The following PKD1 variants were observed in gnomAD, a reference collection of about 807,000 sequenced individuals.
PKD1 encodes the protein polycystin-1.
In PKD1, 81 loss-of-function variants were observed where a neutral mutation model predicts 361.7. The observed-to-expected ratio is 0.22, with a 90% CI of 0.19 to 0.27. The LOEUF (loss-of-function observed/expected upper bound fraction) is 0.27, where lower values mean the gene tolerates loss of function less well. Ranked by LOEUF, PKD1 falls within the 10% of genes least tolerant of loss-of-function variation. The probability of loss-of-function intolerance (pLI) is 1.00; values close to 1 mark genes in which losing one functional copy is unlikely to be tolerated. For missense variants in PKD1, 6,399 were observed against 6,118.3 expected, an observed-to-expected ratio of 1.05 and a Z score of -1.53; for synonymous variants, 3,615 against 2,818.3, an observed-to-expected ratio of 1.28 and a Z score of -8.95.
chr16:2,123,775 C>T (rs915395555), intron 1 of PKD1, among the ~76,000 whole-genome samples: 3 of 152,172 alleles, frequency 2.0e-5, no homozygotes, highest in Non-Finnish European at 2.9e-5. Flanking sequence ...TGCTGCCCCA[C>T]GCACTCCTCA....
At position 2,111,795 on chromosome 16, in the gene PKD1, G is replaced by T; in HGVS notation, c.3372C>A (p.Ala1124=). 1.2e-6 allele frequency: 2 copies of T among 1,608,830 alleles called. No homozygotes were observed. Among genetic ancestry groups the T allele is most frequent in the Non-Finnish European group, 1.7e-6 (2 of 1,178,894 alleles). Residue 1124 remains alanine, a synonymous_variant, in exon 15 of 46, where the codon GCC becomes GCA. Coordinates refer to ENST00000262304, the MANE Select transcript of PKD1 (RefSeq NM_001009944.3). ...LTQQVPVSVR[A]SLPSVAVGVS... is the part of the protein sequence containing the mutation. ...CACCCACAGCCACGGAGGGCAGGGAGGCGCGCACGCTCACAGGCACCTGCT... is the reference window on the plus strand; with the variant it reads ...CACCCACAGCCACGGAGGGCAGGGATGCGCGCACGCTCACAGGCACCTGCT...
chr16:2,115,704 A>G (rs1373055825), intron 9 of PKD1, 79 bp from the exon 10 acceptor site: 44 of 1,387,088 alleles, frequency 3.2e-5, no homozygotes, highest in Non-Finnish European at 4.2e-5. Flanking sequence ...TGCACCAGCA[A>G]TCCTGGCCTT....
Position 2,093,887 on chromosome 16 carries a change from G to T in PKD1, c.10745C>A (p.Pro3582Gln). 1.3e-6 allele frequency: 2 copies of T among 1,577,112 alleles called. No individual in the cohort carries two copies. The highest frequency in any genetic ancestry group is 8.6e-7 in the Non-Finnish European group (1 of 1,167,060). ...CAGGAGCCACGCAACACTCACGCCC[G>T]GGGGGAAGCTCGCACCCACCCACCC... ...VSGWVGASFPPGVSVAWLLSS... is the reference protein window; with the variant it reads ...VSGWVGASFPQGVSVAWLLSS... The change falls in exon 36 of 46, where the codon CCG (proline) becomes CAG (glutamine). Residue 3582 changes from proline to glutamine, a missense_variant. Physicochemically the swap from Pro to Gln is moderately conservative, Grantham distance 76. Coordinates refer to ENST00000262304, the MANE Select transcript of PKD1 (RefSeq NM_001009944.3).
rs889547396 is a variant in PKD1, at chr16:2,090,374, G to A, written c.12355C>T (p.Arg4119Trp). 33 of 1,612,566 alleles carry A rather than the reference G, an allele frequency of 2.0e-5. No individual in the cohort carries two copies. Among genetic ancestry groups the A allele is most frequent in the African/African-American group, 4.0e-5 (3 of 74,920 alleles). Residue 4119 changes from arginine (R) to tryptophan (W), a missense_variant, in exon 45 of 46, where the codon CGG becomes TGG. Physicochemically the swap from Arg to Trp is moderately radical, Grantham distance 101 (BLOSUM62 -3). Transcript: ENST00000262304. ...TAGTCCTGGGGCTCCCAGGCCGGCC[G>A]GTACAGCTCTCCACGCAAGGCGTGG... The part of the protein sequence containing the change: ...RYHALRGELY[R>W]PAWEPQDYEM...
chr16:2,100,480 G>T lies in PKD1; in HGVS notation c.9484C>A (p.Arg3162Ser). The T allele has an allele frequency of 6.2e-7, 1 of 1,610,454 alleles. No individual in the cohort carries two copies. The highest frequency in any genetic ancestry group is 8.5e-7 in the Non-Finnish European group (1 of 1,179,394). Residue 3162 changes from arginine (R) to serine (S), a missense_variant, in exon 27 of 46, where the codon CGC (arginine) becomes AGC (serine). Coordinates refer to ENST00000262304, the MANE Select transcript of PKD1 (RefSeq NM_001009944.3). The surrounding 1 kb of genome is among the most constrained non-coding windows in gnomAD (Gnocchi z 4.4). Reference sequence around the variant, plus strand: ...ATCCGGAAGATGTCCAGGCTGTTGCGGTGGAAGGCTCTGTCGCCGTCCAGG... The same window carrying T: ...ATCCGGAAGATGTCCAGGCTGTTGCTGTGGAAGGCTCTGTCGCCGTCCAGG... ...RHLDGDRAFH[R>S]NSLDIFRIAT...
Position 2,109,944 on chromosome 16 carries a change from C to T in PKD1, c.5223G>A (p.Glu1741=), listed in dbSNP as rs779556506. Residue 1741 remains glutamate, a synonymous_variant, in exon 15 of 46, where the codon GAG becomes GAA. Coordinates refer to ENST00000262304, the MANE Select transcript of PKD1 (RefSeq NM_001009944.3). Reference sequence around the variant, plus strand: ...ATACGACACCACTGCCACCAGCCAGCTCGGCACTGAGGGTGACGCTTGTGT... The same window carrying T: ...ATACGACACCACTGCCACCAGCCAGTTCGGCACTGAGGGTGACGCTTGTGT... ...AVNTSVTLSA[E]LAGGSGVVYT... 3 of 1,610,292 alleles carry T rather than the reference C, an allele frequency of 1.9e-6. No individual in the cohort carries two copies. Among genetic ancestry groups the T allele is most frequent in the South Asian group, 1.1e-5 (1 of 90,928 alleles).
At position 2,089,566 on chromosome 16, in the gene PKD1, T is replaced by C. The variant is rs904900456; in HGVS notation, c.*161A>G. 3.3e-6 allele frequency: 3 copies of C among 908,928 alleles called. No homozygotes were observed. The highest frequency in any genetic ancestry group is 4.6e-5 in the Admixed American group (2 of 43,712). The allele number at this position is 908,928 out of a possible 1,614,324, so 56.3% of individuals were successfully genotyped here. Reference sequence around the variant, plus strand: ...GGGTCCTGGTTGGCCACACAGCCTCTTTAAAGTGCTGAAGCCCACAGACAG... The same window carrying C: ...GGGTCCTGGTTGGCCACACAGCCTCCTTAAAGTGCTGAAGCCCACAGACAG... On this transcript the variant is annotated 3_prime_UTR_variant, in exon 46 of 46. Coordinates refer to ENST00000262304, the MANE Select transcript of PKD1 (RefSeq NM_001009944.3).
At position 2,114,639 on chromosome 16, in the gene PKD1, C is replaced by A; in HGVS notation, c.2384G>T (p.Arg795Leu). 6.4e-7 allele frequency: 1 copy of A among 1,564,738 alleles called. No homozygotes were observed. The highest frequency in any genetic ancestry group is 1.2e-5 in the South Asian group (1 of 86,804). ...GCCCACCTCTGCCCGGACCTCATAG[C>A]GCCCAGGCAGCCGCAGTCCAGGGTT... Reference protein sequence around the residue: ...RPNPGLRLPGRYEVRAEVGNG... With the variant: ...RPNPGLRLPGLYEVRAEVGNG... The change falls in exon 11 of 46, where the codon CGC (arginine) becomes CTC (leucine). Residue 795 changes from arginine to leucine, a missense_variant. Arg to Leu is a moderately radical substitution (Grantham distance 102). Coordinates refer to ENST00000262304, the MANE Select transcript of PKD1 (RefSeq NM_001009944.3).
intron 11 of PKD1, 198 bp downstream of exon 11, chr16:2,113,972 T>C (rs2151811835): frequency 1.7e-6 from 1 of 603,860 alleles, no homozygotes; most frequent in Non-Finnish European, 2.9e-6. Flanking sequence ...GCGGAGCCAC[T>C]GTCAGAGCCG....
intron 1 of PKD1, chr16:2,119,832 T>C: frequency 1.4e-6 from 1 of 698,296 alleles, no homozygotes; most frequent in South Asian, 1.5e-5. Context: ...CAACCAGGTA[T>C]GACTGTGTGA....
rs978483806 is a variant in PKD1 at position 2,112,527 on chromosome 16, G to A, written c.3162-54C>T. 2.7e-5 allele frequency: 41 copies of A among 1,507,188 alleles called. No homozygotes were observed. In the East Asian group the frequency reaches 3.3e-4, roughly 12 times the overall value. The allele number at this position is 1,507,188 out of a possible 1,614,324, so 93.4% of individuals were successfully genotyped here. A position where few individuals can be genotyped will look rare whatever the true frequency, so the allele number is the denominator to read the frequency against. Reference sequence around the variant, plus strand: ...AACCGGGACAGGGGTGGGCGGTGGCGGGGCAGGGGGTGCTTGGGACCCAGC... The same window carrying A: ...AACCGGGACAGGGGTGGGCGGTGGCAGGGCAGGGGGTGCTTGGGACCCAGC... On this transcript the variant is annotated intron_variant, in intron 13 of 45. Coordinates refer to ENST00000262304, the MANE Select transcript of PKD1 (RefSeq NM_001009944.3).
rs750631337 is a variant in PKD1 at position 2,106,572 on chromosome 16, G to A, written c.7315C>T (p.Arg2439Trp). 1.5e-5 allele frequency: 24 copies of A among 1,596,088 alleles called. No individual in the cohort carries two copies. The highest frequency in any genetic ancestry group is 6.7e-5 in the African/African-American group (5 of 74,774). Residue 2439 changes from arginine to tryptophan, a missense_variant, in exon 18 of 46, where the codon CGG becomes TGG. Arg to Trp is a moderately radical substitution (Grantham distance 101). Transcript: ENST00000262304. The surrounding 1 kb of genome is among the most constrained non-coding windows in gnomAD (Gnocchi z 6.5). ...MRLVLRRGVL[R>W]DGEGYTFTLT... ...GTGAAGGTGTATCCCTCGCCGTCCC[G>A]CAGCACGCCCCGCCGCAGCACCAGT...
At chr16:2,120,874 G>T (rs574772439) in intron 1 of PKD1, among the ~76,000 whole-genome samples, 1 of 152,062 alleles carries the variant, frequency 6.6e-6, no homozygotes, top group Non-Finnish European at 1.5e-5. Context: ...AAAATTAGCC[G>T]GGCATGGCGG....
At chr16:2,092,271 G>GCT in intron 39 of PKD1, 83 bp from the exon 40 acceptor site, 1 of 1,456,134 alleles carries the variant, frequency 6.9e-7, no homozygotes, top group East Asian at 2.5e-5. Flanking sequence ...GCTCGCCTGA[G>GCT]CTCTGGTTCG....
Position 2,091,476 on chromosome 16 carries a change from G to C in PKD1, c.11659C>G (p.Pro3887Ala), listed in dbSNP as rs1044589728. ...GRALAALSVRPFALRRLSAGL... is the reference protein window; with the variant it reads ...GRALAALSVRAFALRRLSAGL... ...GCGCTGAGGCGGCGCAGCGCAAAGG[G>C]GCGGACGCTGAGGGCGGCCAGGGCG... is the stretch of plus-strand genomic sequence containing the variant. The change falls in exon 42 of 46, where the codon CCC becomes GCC. Residue 3887 changes from proline to alanine, a missense_variant. Transcript: ENST00000262304. 7.3e-7 allele frequency: 1 copy of C among 1,363,162 alleles called. No homozygotes were observed. The highest frequency in any genetic ancestry group is 3.4e-5 in the East Asian group (1 of 29,024). 84.4% of individuals were successfully genotyped at this position (1,363,162 alleles called of 1,614,324 possible).
In PKD1 at chr16:2,108,087, G is replaced by C. The variant is rs181467845; in HGVS notation, c.6916-55C>G. 5.3e-3 allele frequency: 8,432 copies of C among 1,580,134 alleles called. 25 individuals carry two copies. The highest frequency in any genetic ancestry group is 6.7e-3 in the Non-Finnish European group (7,839 of 1,162,462). ...CCTGAGAGCCCCATCCAGTTTTAAA[G>C]CAGAGCCCGGCCCAGGAGACAGCGC... On this transcript the variant is annotated intron_variant, in intron 15 of 45. Coordinates refer to ENST00000262304, the MANE Select transcript of PKD1 (RefSeq NM_001009944.3).
Position 2,114,402 on chromosome 16 carries a change from C to G in PKD1, c.2621G>C (p.Cys874Ser). Residue 874 changes from cysteine (C) to serine (S), a missense_variant, in exon 11 of 46, where the codon TGC (cysteine) becomes TCC (serine). Coordinates refer to ENST00000262304, the MANE Select transcript of PKD1 (RefSeq NM_001009944.3). ...GSVSARFENV[C>S]PALVATFVPG... The stretch of plus-strand genomic sequence containing the variant: ...CACGAAGGTGGCCACCAGGGCAGGG[C>G]AGACATTCTCAAAGCGGGCGCTGAC... The G allele has an allele frequency of 6.2e-7, 1 of 1,606,210 alleles. No homozygotes were observed. Among genetic ancestry groups the G allele is most frequent in the Non-Finnish European group, 8.5e-7 (1 of 1,179,648 alleles).
intron 41 of PKD1, 53 bp from the exon 42 acceptor site, chr16:2,091,650 G>A (rs1388857776): frequency 1.7e-5 from 26 of 1,555,270 alleles, no homozygotes; most frequent in Middle Eastern, 4.0e-4. Flanking sequence ...GGAGCTGCGG[G>A]GACCGCGCAG....
chr16:2,109,698 C>T lies in PKD1; in HGVS notation c.5469G>A (p.Val1823=), dbSNP rs756513436. The T allele has an allele frequency of 1.5e-5, 24 of 1,595,444 alleles. 2 individuals are homozygous for T. In the Admixed American group the frequency reaches 3.8e-4, roughly 25 times the overall value. ...GGSFVAAGSS[V]PFWGQLATGT... ...CCGTGGCCAGCTGCCCCCAAAAGGG[C>T]ACAGAGGACCCGGCCGCCACGAAGC... is the stretch of plus-strand genomic sequence containing the variant. Residue 1823 remains valine (V), a synonymous_variant, in exon 15 of 46, where the codon GTG becomes GTA. Coordinates refer to ENST00000262304, the MANE Select transcript of PKD1 (RefSeq NM_001009944.3).
Sources: gnomAD v4.1 joint callset for allele counts (sites outside exome capture counted in the v4.1 genomes callset) on GRCh38, gnomAD v4.1.1 for gene constraint, Gnocchi (gnomAD v3.1) non-coding constraint, MANE v1.5 for transcripts, NCBI Gene and HGNC (gene_info 2026-07-23, HGNC 2026-07-21) for gene names.